Variants in DCAF8L2 observed in about 807,000 individuals in gnomAD.
The protein encoded by DCAF8L2 is DDB1 and CUL4 associated factor 8 like 2.
For missense variants in DCAF8L2, 430 were observed against 490.7 expected (o/e 0.88, Z 1.17); for synonymous variants, 200 against 190.9 (o/e 1.05, Z -0.39).
the DCAF8L2 span, among the ~76,000 whole-genome samples, chrX:27,509,545 A>T: frequency 8.9e-6 from 1 of 112,195 alleles, no homozygotes; most frequent in Non-Finnish European, 1.9e-5. Context: ...TACGAAAACA[A>T]TTGCAGGTTG....
chrX:27,590,469 A>G (rs780158375), intron 1 of DCAF8L2, 29 bp downstream of exon 1: 11 of 111,652 alleles, frequency 9.9e-5, no homozygotes, highest in East Asian at 8.5e-4. Context: ...GATTTCAACA[A>G]TGATTTTGGG....
intron 3 of DCAF8L2, among the ~76,000 whole-genome samples, chrX:27,679,888 A>G (rs1040778680): frequency 5.4e-5 from 6 of 111,933 alleles, no homozygotes; most frequent in African/African-American, 1.9e-4. Flanking sequence ...CTTTTGCTTT[A>G]TCCAGCAAAT....
chrX:27,632,415 C>T (rs940603979), intron 2 of DCAF8L2: 6 of 111,122 alleles, frequency 5.4e-5, no homozygotes, highest in African/African-American at 2.0e-4. Context: ...TTATTCAGAA[C>T]AGGTCAAGGT....
At chrX:27,492,992 A>T in the DCAF8L2 span, among the ~76,000 whole-genome samples, 6 of 111,442 alleles carry the variant, frequency 5.4e-5, no homozygotes, top group African/African-American at 2.0e-4. Flanking sequence ...AACACTTTGG[A>T]AAGCTGAGGT....
the DCAF8L2 span, among the ~76,000 whole-genome samples, chrX:27,529,349 A>T: frequency 3.6e-5 from 4 of 111,296 alleles, no homozygotes; most frequent in Non-Finnish European, 5.7e-5. Flanking sequence ...AGAAAAAAGG[A>T]AGCTGATTGA....
chrX:27,559,190 G>A, the DCAF8L2 span, among the ~76,000 whole-genome samples: 1 of 111,424 alleles, frequency 9.0e-6, no homozygotes, highest in Middle Eastern at 4.6e-3. Context: ...GTCATGGGTA[G>A]TTCTTTATAG....
At chrX:27,552,611 C>T in the DCAF8L2 span, among the ~76,000 whole-genome samples, 1 of 111,682 alleles carries the variant, frequency 9.0e-6, no homozygotes, top group Admixed American at 9.5e-5. Flanking sequence ...GCTCTAGATA[C>T]ATGGATTTAT....
chrX:27,559,757 G>A, the DCAF8L2 span, among the ~76,000 whole-genome samples: 7 of 111,570 alleles, frequency 6.3e-5, no homozygotes, highest in African/African-American at 2.0e-4. Flanking sequence ...CATGGAGGAT[G>A]ATTTCTGTTC....
the DCAF8L2 span, among the ~76,000 whole-genome samples, chrX:27,585,143 G>T: frequency 2.7e-5 from 3 of 110,416 alleles, no homozygotes; most frequent in South Asian, 3.9e-4. Context: ...CTTCTTCCTC[G>T]TGTCTCCTTC....
chrX:27,706,025 C>T (rs2147275457), intron 3 of DCAF8L2, among the ~76,000 whole-genome samples: 1 of 111,324 alleles, frequency 9.0e-6, no homozygotes, highest in Admixed American at 9.6e-5. Flanking sequence ...CCAGCTATCC[C>T]AGCACCATTT....
chrX:27,548,677 C>T, the DCAF8L2 span, among the ~76,000 whole-genome samples: 1 of 111,701 alleles, frequency 9.0e-6, no homozygotes, highest in Non-Finnish European at 1.9e-5. Flanking sequence ...GGTCAACATA[C>T]AGATATAAGG....
chrX:27,674,277 T>C lies in DCAF8L2; in HGVS notation c.-219-3559T>C, dbSNP rs1371126928. ...TGAAAGTGTGTATGAGTGTAACTTATTACATTTCCAAAATAAATACTGATG... is the reference window on the plus strand; with the variant it reads ...TGAAAGTGTGTATGAGTGTAACTTACTACATTTCCAAAATAAATACTGATG... On this transcript the variant is annotated intron_variant, in intron 2 of 4. Coordinates refer to ENST00000451261, the MANE Select transcript of DCAF8L2 (RefSeq NM_001353450.2). Among the ~76,000 whole-genome samples the C allele has an allele frequency of 3.6e-5, 4 of 111,936 alleles. No homozygotes were observed. In the East Asian group the frequency reaches 8.4e-4, roughly 24 times the overall value.
chrX:27,641,125 G>A (rs1313707200), intron 2 of DCAF8L2, among the ~76,000 whole-genome samples: 5 of 111,357 alleles, frequency 4.5e-5, no homozygotes, highest in African/African-American at 1.6e-4. Context: ...AAGTACTTCA[G>A]AATATAAGGA....
At chrX:27,666,773 C>CA (rs1285250286) in intron 2 of DCAF8L2, among the ~76,000 whole-genome samples, 2 of 111,803 alleles carry the variant, frequency 1.8e-5, no homozygotes, top group African/African-American at 6.5e-5. Context: ...ATCTCTATGG[C>CA]ATATTTACAC....
chrX:27,477,036 C>G, the DCAF8L2 span, among the ~76,000 whole-genome samples: 1 of 112,048 alleles, frequency 8.9e-6, no homozygotes, highest in South Asian at 3.7e-4. Flanking sequence ...ATTTTGTGTT[C>G]TCTCATTACT....
At chrX:27,627,585 A>ATGTG (rs1928086065) in intron 1 of DCAF8L2, 2 of 89,477 alleles carry the variant, frequency 2.2e-5, no homozygotes, top group African/African-American at 4.0e-5. Flanking sequence ...GTGTGTATGC[A>ATGTG]TGTGTGTGTG....
intron 2 of DCAF8L2, among the ~76,000 whole-genome samples, chrX:27,668,924 G>C (rs1236208413): frequency 2.8e-5 from 3 of 106,527 alleles, no homozygotes; most frequent in Non-Finnish European, 5.8e-5. Context: ...GACACAGAGT[G>C]AGACTCTGTC....
At chrX:27,480,684 G>A in the DCAF8L2 span, among the ~76,000 whole-genome samples, 2 of 111,423 alleles carry the variant, frequency 1.8e-5, no homozygotes, top group African/African-American at 6.5e-5. Flanking sequence ...AGTCATGGTG[G>A]CAAATTTCTG....
the DCAF8L2 span, among the ~76,000 whole-genome samples, chrX:27,564,538 GCACA>G: frequency 3.4e-4 from 36 of 105,303 alleles, no homozygotes; most frequent in African/African-American, 4.5e-4. Context: ...GCACACACAT[GCACA>G]CACACACACA....
Sources: allele counts gnomAD v4.1 joint callset (sites outside exome capture counted in the v4.1 genomes callset), GRCh38; gene constraint gnomAD v4.1.1; transcripts MANE v1.5; gene names NCBI Gene and HGNC (gene_info 2026-07-23, HGNC 2026-07-21).